ARHGAP8: variants seen among roughly 807,000 people sequenced by gnomAD.
ARHGAP8 encodes rho GTPase-activating protein 8.
Under a neutral mutation model 46.1 loss-of-function variants are expected in ARHGAP8, and 62 were observed. The ratio of observed to expected loss-of-function variants is 1.34; its 90% CI spans 1.10 to 1.66. ARHGAP8 has a LOEUF of 1.66. Ranked by LOEUF, ARHGAP8 falls within the 40% of genes most tolerant of loss-of-function variation. The probability of loss-of-function intolerance (pLI) is 0.00; values close to 1 mark genes in which losing one functional copy is unlikely to be tolerated. For synonymous variants in ARHGAP8, 375 were observed against 243.1 expected (o/e 1.54, Z -5.05); for missense variants, 923 against 568.4 (o/e 1.62, Z -6.34).
intron 9 of ARHGAP8, 45 bp downstream of exon 9, chr22:44,848,095 G>T (rs754785952): frequency 6.3e-7 from 1 of 1,599,016 alleles, no homozygotes; most frequent in South Asian, 1.1e-5. Context: ...CCTGGTCAGC[G>T]AGCACAGCGC....
chr22:44,824,329 C>CA lies in ARHGAP8; in HGVS notation c.486-1148dup, dbSNP rs112894560. 5.7e-3 allele frequency among the ~76,000 whole-genome samples: 872 copies of CA among 152,342 alleles called. 10 individuals carry two copies. The highest frequency in any genetic ancestry group is 0.02 in the African/African-American group (827 of 41,582). On this transcript the variant is annotated intron_variant, in intron 6 of 11. Transcript: ENST00000356099. ...GGCGCAGAGCGCTGTGATTAACTCACAAAAAACAACCGCACGTGGTAGCAG... is the reference window on the plus strand; with the variant it reads ...GGCGCAGAGCGCTGTGATTAACTCACAAAAAAACAACCGCACGTGGTAGCAG...
rs35001381 is a variant in ARHGAP8, at chr22:44,859,649, ACC to A, written c.878-79_878-78del. 1.6e-5 allele frequency: 24 copies of A among 1,471,878 alleles called. No homozygotes were observed. The South Asian group carries it at 2.2e-4, about 14-fold the overall frequency. 91.2% of individuals were successfully genotyped at this position (1,471,878 alleles called of 1,614,324 possible). A position where few individuals can be genotyped will look rare whatever the true frequency, so the allele number is the denominator to read the frequency against. On this transcript the variant is annotated intron_variant, in intron 10 of 11. Transcript: ENST00000356099. ...CCATCCTCAGAGCTGTCCTTCCTAC[ACC>A]CCTGTTCTCCTCCCGGGCCGGGATG... is the stretch of plus-strand genomic sequence containing the variant.
intron 3 of ARHGAP8, among the ~76,000 whole-genome samples, chr22:44,804,677 C>G (rs1928811677): frequency 1.3e-5 from 2 of 151,880 alleles, no homozygotes; most frequent in Admixed American, 1.3e-4. Context: ...ACTGCTAAAG[C>G]CAAGGGACTC....
intron 7 of ARHGAP8, 22 bp from the exon 8 acceptor site, chr22:44,845,247 A>G: frequency 1.2e-6 from 2 of 1,613,934 alleles, no homozygotes; most frequent in Non-Finnish European, 1.7e-6. Context: ...AAAAACTGCG[A>G]CTTTCTTTTC....
intron 1 of ARHGAP8, among the ~76,000 whole-genome samples, chr22:44,757,223 G>T (rs1388703247): frequency 1.3e-5 from 2 of 151,726 alleles, no homozygotes; most frequent in East Asian, 1.9e-4. Context: ...GCAGCAACAA[G>T]TTCTTAATAT....
chr22:44,862,383 G>T lies in ARHGAP8; in HGVS notation c.1090G>T (p.Val364Leu), dbSNP rs1418900874. 3 of 1,613,998 alleles carry T rather than the reference G, an allele frequency of 1.9e-6. No individual in the cohort carries two copies. The highest frequency in any genetic ancestry group is 2.5e-6 in the Non-Finnish European group (3 of 1,180,000). Residue 364 changes from valine (V) to leucine (L), a missense_variant, in exon 12 of 12, where the codon GTG (valine) becomes TTG (leucine). Physicochemically the swap from Val to Leu is conservative, Grantham distance 32. Coordinates refer to ENST00000356099, the MANE Select transcript of ARHGAP8 (RefSeq NM_181335.3). ...GGGGGTCTCCTCCCTGAGTGCCCTT[G>T]TGCCCCTGAACATGTTCACTGAACT... ...SQGVSSLSAL[V>L]PLNMFTELLI...
chr22:44,837,955 G>A (rs967981858), intron 7 of ARHGAP8, among the ~76,000 whole-genome samples: 55 of 152,186 alleles, frequency 3.6e-4, no homozygotes, highest in African/African-American at 1.3e-3. Flanking sequence ...GTCTCTTCCT[G>A]CTCTGAGAGT....
intron 7 of ARHGAP8, among the ~76,000 whole-genome samples, chr22:44,831,765 A>G (rs148319294): frequency 3.9e-5 from 6 of 152,306 alleles, no homozygotes; most frequent in South Asian, 2.1e-4. Flanking sequence ...TCAAAAACCA[A>G]TAAACATGAG....
At chr22:44,827,916 A>T (rs1361163870) in intron 7 of ARHGAP8, among the ~76,000 whole-genome samples, 1 of 152,162 alleles carries the variant, frequency 6.6e-6, no homozygotes, top group Non-Finnish European at 1.5e-5. Flanking sequence ...GACCAGCATT[A>T]TCTGATGGAA....
chr22:44,786,240 G>C (rs530341522), intron 1 of ARHGAP8: 2 of 649,234 alleles, frequency 3.1e-6, no homozygotes, highest in Non-Finnish European at 5.3e-6. Flanking sequence ...ATGGGTGCTC[G>C]GCTGAGGGAG....
In ARHGAP8 at chr22:44,763,556, G is replaced by A. The variant is rs545806900; in HGVS notation, c.-72+10929G>A. On this transcript the variant is annotated intron_variant, in intron 1 of 11. Transcript: ENST00000356099. ...GTAAAATCATGACTGTCATACAGAT[G>A]TAAAAATGAACGCATTAAAGATTTT... 6.0e-5 allele frequency among the ~76,000 whole-genome samples: 9 copies of A among 149,966 alleles called. No individual in the cohort carries two copies. In the South Asian group the frequency reaches 1.9e-3, roughly 32 times the overall value.
chr22:44,820,971 G>A (rs973372202), intron 5 of ARHGAP8, among the ~76,000 whole-genome samples: 2 of 152,044 alleles, frequency 1.3e-5, no homozygotes, highest in South Asian at 2.1e-4. Flanking sequence ...TTTTTGCCAC[G>A]GTAACTTGAA....
intron 7 of ARHGAP8, among the ~76,000 whole-genome samples, chr22:44,835,430 C>A (rs1931219702): frequency 6.6e-6 from 1 of 151,888 alleles, no homozygotes; most frequent in African/African-American, 2.4e-5. Flanking sequence ...CCATCCTGGC[C>A]AACATGGTGA....
chr22:44,809,271 T>C (rs1480055991), intron 4 of ARHGAP8: 1 of 437,096 alleles, frequency 2.3e-6, no homozygotes, highest in South Asian at 1.7e-5. Flanking sequence ...TCATGAAATA[T>C]TCTTCTGTTT....
chr22:44,786,282 C>A (rs571334262), intron 1 of ARHGAP8, among the ~76,000 whole-genome samples, 175 bp from the exon 2 acceptor site: 1 of 150,336 alleles, frequency 6.7e-6, no homozygotes, highest in African/African-American at 2.5e-5. Context: ...TGAGGCAGGG[C>A]GCCTAGTGGG....
At chr22:44,778,931 G>A (rs1354897613) in intron 1 of ARHGAP8, among the ~76,000 whole-genome samples, 1 of 118,660 alleles carries the variant, frequency 8.4e-6, no homozygotes, top group Non-Finnish European at 1.7e-5. Context: ...AAACAAACAT[G>A]TTAATGATTT....
At chr22:44,795,399 G>C (rs739179) in intron 2 of ARHGAP8, among the ~76,000 whole-genome samples, 10,060 of 152,154 alleles carry the variant, frequency 0.066, 364 homozygotes, top group African/African-American at 0.075. Flanking sequence ...GGGCCCTGTG[G>C]CTGGCTGAAC....
At chr22:44,791,237 G>A (rs1235476983) in intron 2 of ARHGAP8, among the ~76,000 whole-genome samples, 1 of 152,116 alleles carries the variant, frequency 6.6e-6, no homozygotes, top group Non-Finnish European at 1.5e-5. Flanking sequence ...TCATTAGGGG[G>A]CTGTGCGCTG....
rs1310406840 is a variant in ARHGAP8 at position 44,856,689 on chromosome 22, T to C, written c.878-3042T>C. On this transcript the variant is annotated intron_variant, in intron 10 of 11. Transcript: ENST00000356099. ...AAAACAAGACGAAAGGAGAATCGTA[T>C]CCCATGATTCTCCTCTTCACAACAA... is the stretch of plus-strand genomic sequence containing the variant. Among the ~76,000 whole-genome samples the C allele has an allele frequency of 2.1e-5, 3 of 144,128 alleles. 1 individual carries two copies. Among genetic ancestry groups the C allele is most frequent in the Non-Finnish European group, 3.0e-5 (2 of 66,594 alleles). 94.6% of individuals were successfully genotyped at this position (144,128 alleles called of 152,430 possible).
Sources: allele counts gnomAD v4.1 joint callset (sites outside exome capture counted in the v4.1 genomes callset), GRCh38; gene constraint gnomAD v4.1.1; transcripts MANE v1.5; gene names NCBI Gene and HGNC (gene_info 2026-07-23, HGNC 2026-07-21).